Variants in CNTNAP2 observed in about 807,000 individuals in gnomAD.
CNTNAP2 encodes the protein contactin-associated protein-like 2.
CNTNAP2 carries 98 observed loss-of-function variants against 155.2 expected under a neutral mutation model. That is an observed-to-expected ratio of 0.63 (90% confidence interval 0.54 to 0.75). The LOEUF (loss-of-function observed/expected upper bound fraction) is 0.75, where lower values mean the gene tolerates loss of function less well. CNTNAP2 is among the 30% of genes least tolerant of loss of function. The probability of loss-of-function intolerance (pLI) is 0.00; values close to 1 mark genes in which losing one functional copy is unlikely to be tolerated. For missense variants in CNTNAP2, 1,727 were observed against 1,688.1 expected (o/e 1.02, Z -0.40); for synonymous variants, 651 against 631.2 (o/e 1.03, Z -0.47).
At chr7:146,383,529 A>G (rs1490006602) in intron 1 of CNTNAP2, among the ~76,000 whole-genome samples, 3 of 152,134 alleles carry the variant, frequency 2.0e-5, no homozygotes, top group African/African-American at 7.2e-5. Flanking sequence ...TAAATACCCC[A>G]TACATTCTAA....
intron 15 of CNTNAP2, among the ~76,000 whole-genome samples, chr7:148,092,854 A>G (rs932067829): frequency 7.3e-5 from 11 of 150,936 alleles, no homozygotes; most frequent in Non-Finnish European, 1.5e-5. Flanking sequence ...AGGGTTGCAA[A>G]GAAGAAAGAC....
At chr7:146,759,500 T>C (rs1356659276) in intron 1 of CNTNAP2, among the ~76,000 whole-genome samples, 1 of 152,112 alleles carries the variant, frequency 6.6e-6, no homozygotes, top group East Asian at 1.9e-4. Flanking sequence ...AAGACCATCC[T>C]GGCCAACATG....
chr7:146,906,218 C>G (rs1246261350), intron 3 of CNTNAP2, among the ~76,000 whole-genome samples: 2 of 151,824 alleles, frequency 1.3e-5, no homozygotes, highest in African/African-American at 4.8e-5. Context: ...GGCAGCGAGG[C>G]TGGGGGAGGG....
chr7:146,261,825 A>G (rs929771668), intron 1 of CNTNAP2, among the ~76,000 whole-genome samples: 85 of 152,314 alleles, frequency 5.6e-4, no homozygotes, highest in African/African-American at 2.0e-3. Flanking sequence ...ATCCTGTAAT[A>G]CCTAGACATG....
At chr7:148,151,781 G>C (rs766218232) in intron 17 of CNTNAP2, among the ~76,000 whole-genome samples, 1 of 152,060 alleles carries the variant, frequency 6.6e-6, no homozygotes, top group Non-Finnish European at 1.5e-5. Context: ...CAACCCTACA[G>C]GAAAGCTCAC....
At chr7:146,916,127 C>T (rs1172504288) in intron 3 of CNTNAP2, among the ~76,000 whole-genome samples, 1 of 152,006 alleles carries the variant, frequency 6.6e-6, no homozygotes, top group Non-Finnish European at 1.5e-5. Context: ...CATTTATTGA[C>T]TTGTTGATGT....
intron 13 of CNTNAP2, among the ~76,000 whole-genome samples, chr7:147,874,031 C>T (rs928015153): frequency 6.6e-6 from 1 of 152,334 alleles, no homozygotes. Context: ...TTGGCTCACA[C>T]AGCCTTGGGC....
chr7:146,388,243 C>A (rs924709381), intron 1 of CNTNAP2, among the ~76,000 whole-genome samples: 2 of 151,696 alleles, frequency 1.3e-5, no homozygotes, highest in African/African-American at 2.4e-5. Flanking sequence ...CCAGCCTGGG[C>A]AACATGGCAA....
chr7:147,311,582 A>G (rs1199608123), intron 9 of CNTNAP2, among the ~76,000 whole-genome samples: 1 of 152,128 alleles, frequency 6.6e-6, no homozygotes, highest in Non-Finnish European at 1.5e-5. Context: ...AGGAAGGGAA[A>G]TGTCACCAGG....
At chr7:147,918,709 C>A (rs189686912) in intron 14 of CNTNAP2, among the ~76,000 whole-genome samples, 1 of 152,084 alleles carries the variant, frequency 6.6e-6, no homozygotes, top group Non-Finnish European at 1.5e-5. Context: ...GAAAAACTAC[C>A]CTTATGCAGG....
At chr7:148,399,714 T>C (rs75921504) in intron 22 of CNTNAP2, among the ~76,000 whole-genome samples, 7,738 of 152,284 alleles carry the variant, frequency 0.051, 530 homozygotes, top group African/African-American at 0.15. Flanking sequence ...CTATTATTGC[T>C]TTCACAACAC....
chr7:147,905,397 G>T (rs939279032), intron 14 of CNTNAP2, among the ~76,000 whole-genome samples: 1 of 152,224 alleles, frequency 6.6e-6, no homozygotes, highest in African/African-American at 2.4e-5. Flanking sequence ...GTAAGATCTA[G>T]TACCTGCACC....
intron 4 of CNTNAP2, among the ~76,000 whole-genome samples, chr7:147,093,221 A>G (rs6961581): frequency 0.079 from 11,583 of 146,330 alleles, 1,294 homozygotes; most frequent in African/African-American, 0.25. Context: ...AGCCTGGGCG[A>G]AAGAGCGAGA....
intron 1 of CNTNAP2, among the ~76,000 whole-genome samples, chr7:146,734,380 A>G (rs1289776174): frequency 1.3e-5 from 2 of 152,226 alleles, no homozygotes; most frequent in Admixed American, 6.5e-5. Flanking sequence ...GAAAATGCAC[A>G]GAATTTAGTA....
intron 10 of CNTNAP2, among the ~76,000 whole-genome samples, chr7:147,414,432 T>TAA (rs55692955): frequency 1.5e-4 from 18 of 121,938 alleles, no homozygotes; most frequent in East Asian, 4.6e-4. Flanking sequence ...TCAAAAACAT[T>TAA]AAAAAAAAAA....
intron 9 of CNTNAP2, among the ~76,000 whole-genome samples, chr7:147,358,757 T>C (rs1796101798): frequency 6.6e-6 from 1 of 152,164 alleles, no homozygotes; most frequent in Non-Finnish European, 1.5e-5. Context: ...GTTATTATAA[T>C]AATGTTGCCA....
intron 9 of CNTNAP2, among the ~76,000 whole-genome samples, chr7:147,305,566 AT>A (rs748661616): frequency 2.4e-4 from 37 of 152,170 alleles, no homozygotes; most frequent in Admixed American, 5.9e-4. Context: ...CAGGAAATCT[AT>A]TGTTTAGAAG....
chr7:146,765,661 A>T (rs193265537), intron 1 of CNTNAP2, among the ~76,000 whole-genome samples: 1 of 152,220 alleles, frequency 6.6e-6, no homozygotes, highest in East Asian at 1.9e-4. Flanking sequence ...TAAAGAAATT[A>T]AAAACAAACC....
intron 9 of CNTNAP2, among the ~76,000 whole-genome samples, chr7:147,316,076 A>G (rs2620447): frequency 6.6e-6 from 1 of 151,644 alleles, no homozygotes; most frequent in Non-Finnish European, 1.5e-5. Context: ...TAATTTACCT[A>G]TTTTTGATTG....
Sources: allele counts gnomAD v4.1 joint callset (sites outside exome capture counted in the v4.1 genomes callset), GRCh38; gene constraint gnomAD v4.1.1; transcripts MANE v1.5; gene names NCBI Gene and HGNC (gene_info 2026-07-23, HGNC 2026-07-21).